The following GDAP1 variants were observed in gnomAD, a reference collection of about 807,000 sequenced individuals.
GDAP1 encodes ganglioside induced differentiation associated protein 1, also known as ganglioside-induced differentiation-associated protein 1.
GDAP1 carries 34 observed loss-of-function variants against 40.1 expected under a neutral mutation model. The ratio of observed to expected loss-of-function variants is 0.85; its 90% CI spans 0.64 to 1.13. The LOEUF is 1.13. GDAP1 is among the 50% of genes most tolerant of loss of function. The pLI is 0.00. For missense variants in GDAP1, 374 were observed against 433.7 expected, an observed-to-expected ratio of 0.86 and a Z score of 1.22; for synonymous variants, 170 against 157.4, an observed-to-expected ratio of 1.08 and a Z score of -0.60.
chr8:74,432,013 C>T (rs1433556532), intron 2 of GDAP1, among the ~76,000 whole-genome samples: 2 of 152,090 alleles, frequency 1.3e-5, no homozygotes, highest in African/African-American at 2.4e-5. Context: ...TTTTGTCACA[C>T]GGTAAGCAAC....
At chr8:74,371,481 A>T (rs1020648525), downstream of GDAP1, among the ~76,000 whole-genome samples, 1 of 152,134 alleles carries the variant, frequency 6.6e-6, no homozygotes, top group Middle Eastern at 3.4e-3. Context: ...TAACACGGTG[A>T]AACCCCGTCT....
In GDAP1 at chr8:74,460,735, A is replaced by T. The variant is rs143796683; in HGVS notation, c.166-27943A>T. Among the ~76,000 whole-genome samples, 466 of 152,310 alleles carry T rather than the reference A, an allele frequency of 3.1e-3. 1 individual carries two copies. The highest frequency in any genetic ancestry group is 0.011 in the African/African-American group (450 of 41,558). On this transcript the variant is annotated intron_variant, in intron 2 of 2. Coordinates refer to the GDAP1 transcript ENST00000523640. Reference sequence around the variant, plus strand: ...TATGAAGAGTGGTAGGGTCCTAAGAAAAGGTTCTATTTGTGGAGTTGACCT... The same window carrying T: ...TATGAAGAGTGGTAGGGTCCTAAGATAAGGTTCTATTTGTGGAGTTGACCT...
intron 2 of GDAP1, among the ~76,000 whole-genome samples, chr8:74,469,397 A>G (rs1375885226): frequency 6.6e-6 from 1 of 152,248 alleles, no homozygotes; most frequent in Admixed American, 6.5e-5. Flanking sequence ...AGGCGGGCGC[A>G]GTGGCTCACG....
intron 2 of GDAP1, among the ~76,000 whole-genome samples, chr8:74,390,361 G>T (rs528682121): frequency 6.6e-6 from 1 of 152,254 alleles, no homozygotes; most frequent in African/African-American, 2.4e-5. Context: ...TTCGTATGGG[G>T]TTTTTGTGTG....
chr8:74,440,693 C>G (rs1806152411), intron 2 of GDAP1, among the ~76,000 whole-genome samples: 1 of 151,728 alleles, frequency 6.6e-6, no homozygotes, highest in Admixed American at 6.6e-5. Flanking sequence ...GTTAATCATG[C>G]CTGCTACATT....
chr8:74,415,602 C>T (rs912182269), intron 2 of GDAP1, among the ~76,000 whole-genome samples: 2 of 150,138 alleles, frequency 1.3e-5, no homozygotes, highest in Non-Finnish European at 2.9e-5. Flanking sequence ...ACTGGGCAAC[C>T]TGGCAGTCCA....
chr8:74,424,697 T>G (rs1355538449), intron 2 of GDAP1, among the ~76,000 whole-genome samples: 2 of 152,200 alleles, frequency 1.3e-5, no homozygotes. Context: ...ATGTGTTTCA[T>G]TTTGTGAATT....
At chr8:74,487,130 A>T (rs1483487532) in intron 2 of GDAP1, among the ~76,000 whole-genome samples, 1 of 152,194 alleles carries the variant, frequency 6.6e-6, no homozygotes. Context: ...GGCACATGGT[A>T]AACCCTTGAT....
At chr8:74,442,501 A>G (rs1806175454) in intron 2 of GDAP1, among the ~76,000 whole-genome samples, 1 of 152,232 alleles carries the variant, frequency 6.6e-6, no homozygotes, top group South Asian at 2.1e-4. Context: ...ATCTTTTACT[A>G]ACTGATTTCT....
chr8:74,462,245 A>G lies in GDAP1; in HGVS notation c.166-26433A>G, dbSNP rs181462478. Among the ~76,000 whole-genome samples, 341 of 152,236 alleles carry G rather than the reference A, an allele frequency of 2.2e-3. 2 individuals carry two copies. The highest frequency in any genetic ancestry group is 7.9e-3 in the African/African-American group (328 of 41,554). ...AAGTACTTCCTGGCTGGGCTGGGCT[A>G]CTTATTTTTTATTGATTGTGTGTTC... On this transcript the variant is annotated intron_variant, in intron 2 of 2. Transcript: ENST00000523640.
intron 2 of GDAP1, among the ~76,000 whole-genome samples, chr8:74,471,998 A>G (rs887913797): frequency 3.9e-5 from 6 of 152,278 alleles, no homozygotes; most frequent in South Asian, 2.1e-4. Flanking sequence ...TTATATAGGT[A>G]AACTCATGTC....
intron 2 of GDAP1, among the ~76,000 whole-genome samples, chr8:74,377,925 A>G (rs1359830031): frequency 2.6e-5 from 4 of 151,934 alleles, no homozygotes; most frequent in Non-Finnish European, 5.9e-5. Context: ...CATACAGTGG[A>G]ATACAATTCA....
intron 2 of GDAP1, among the ~76,000 whole-genome samples, chr8:74,378,279 A>G (rs540324830): frequency 2.0e-5 from 3 of 152,316 alleles, no homozygotes; most frequent in African/African-American, 7.2e-5. Context: ...TCCTCAGGGC[A>G]TCTGGTGACC....
chr8:74,366,347 A>G lies in GDAP1; in HGVS notation c.*1980A>G. On this transcript the variant is annotated 3_prime_UTR_variant, in exon 6 of 6. Coordinates refer to ENST00000220822, the MANE Select transcript of GDAP1 (RefSeq NM_018972.4). ...TCTTTTTGTTCAGCAACTCTTCTAA[A>G]ATGTTTCAAGCAAAGATAGTAATGA... The G allele has an allele frequency of 2.2e-6, 1 of 454,520 alleles. No homozygotes were observed. Among genetic ancestry groups the G allele is most frequent in the Non-Finnish European group, 4.4e-6 (1 of 226,768 alleles). The allele number at this position is 454,520 out of a possible 1,614,324, so 28.2% of individuals were successfully genotyped here. A position where few individuals can be genotyped will look rare whatever the true frequency, so the allele number is the denominator to read the frequency against.
At chr8:74,411,816 A>T (rs1440746004) in intron 2 of GDAP1, among the ~76,000 whole-genome samples, 1 of 149,364 alleles carries the variant, frequency 6.7e-6, no homozygotes, top group East Asian at 1.9e-4. Context: ...TGGGAGGTCG[A>T]GGCTGTGGTG....
chr8:74,407,868 G>A (rs533197823), intron 2 of GDAP1, among the ~76,000 whole-genome samples: 2 of 149,566 alleles, frequency 1.3e-5, no homozygotes, highest in East Asian at 3.9e-4. Flanking sequence ...TTTTTCTGCT[G>A]GCAAACTGAC....
intron 2 of GDAP1, among the ~76,000 whole-genome samples, chr8:74,433,343 C>T (rs918917282): frequency 2.6e-5 from 4 of 152,218 alleles, no homozygotes; most frequent in Middle Eastern, 3.4e-3. Flanking sequence ...AAAAGTTCCA[C>T]GAGGGCAGGG....
intron 2 of GDAP1, among the ~76,000 whole-genome samples, chr8:74,412,901 A>C (rs1009293989): frequency 7.0e-6 from 1 of 142,892 alleles, no homozygotes; most frequent in African/African-American, 2.8e-5. Flanking sequence ...TACTAAAAAT[A>C]CAAAAAAAAA....
intron 2 of GDAP1, among the ~76,000 whole-genome samples, chr8:74,475,287 G>T (rs907604685): frequency 6.6e-6 from 1 of 151,520 alleles, no homozygotes; most frequent in Non-Finnish European, 1.5e-5. Flanking sequence ...GTGTCCTTTG[G>T]TTAAGCTCTG....
Sources: allele counts gnomAD v4.1 joint callset (sites outside exome capture counted in the v4.1 genomes callset), GRCh38; gene constraint gnomAD v4.1.1; transcripts MANE v1.5; gene names NCBI Gene and HGNC (gene_info 2026-07-23, HGNC 2026-07-21).